The following ACVR1C variants were observed in gnomAD, a reference collection of about 807,000 sequenced individuals.
ACVR1C encodes the protein activin A receptor type 1C.
A neutral mutation model predicts 57.9 loss-of-function variants in ACVR1C; 23 were observed. The observed-to-expected ratio is 0.40, with a 90% CI of 0.29 to 0.56. The LOEUF (loss-of-function observed/expected upper bound fraction) is 0.56, where lower values mean the gene tolerates loss of function less well. Among genes scored for constraint, ACVR1C ranks in the 20% least tolerant of loss-of-function variants. The pLI, the probability that ACVR1C is intolerant of heterozygous loss-of-function variation, is 0.50. For synonymous variants in ACVR1C, 214 were observed against 215.3 expected, an observed-to-expected ratio of 0.99 and a Z score of 0.05; for missense variants, 480 against 607.9, an observed-to-expected ratio of 0.79 and a Z score of 2.21.
chr2:157,533,862 A>T lies in ACVR1C; in HGVS notation c.*56T>A. On this transcript the variant is annotated 3_prime_UTR_variant, in exon 9 of 9. Coordinates refer to ENST00000243349, the MANE Select transcript of ACVR1C (RefSeq NM_145259.3). Reference sequence around the variant, plus strand: ...AAAAATGGCAAAAACATTCACATAAAGGGGAAAATGGAAAAGAAAGCTATG... The same window carrying T: ...AAAAATGGCAAAAACATTCACATAATGGGGAAAATGGAAAAGAAAGCTATG... 1 of 1,466,546 alleles carries T rather than the reference A, an allele frequency of 6.8e-7. No individual in the cohort carries two copies. The highest frequency in any genetic ancestry group is 9.0e-7 in the Non-Finnish European group (1 of 1,109,570). The allele number at this position is 1,466,546 out of a possible 1,614,324, so 90.8% of individuals were successfully genotyped here.
chr2:157,590,391 T>C (rs544290632), intron 1 of ACVR1C, among the ~76,000 whole-genome samples: 1 of 151,912 alleles, frequency 6.6e-6, no homozygotes, highest in African/African-American at 2.4e-5. Context: ...GGAGCAAAAA[T>C]GGGTACTATT....
At chr2:157,556,507 G>A (rs1180352988) in intron 2 of ACVR1C, among the ~76,000 whole-genome samples, 175 bp from the exon 3 acceptor site, 8 of 152,018 alleles carry the variant, frequency 5.3e-5, no homozygotes, top group Non-Finnish European at 1.0e-4. Context: ...AAAAAAATGA[G>A]ATTAGGCTGC....
At chr2:157,620,895 T>C (rs1301508807) in intron 1 of ACVR1C, among the ~76,000 whole-genome samples, 1 of 152,150 alleles carries the variant, frequency 6.6e-6, no homozygotes, top group African/African-American at 2.4e-5. Context: ...AGGTGCTTAA[T>C]CAATATGCAG....
chr2:157,564,921 A>G (rs545519493), intron 2 of ACVR1C, among the ~76,000 whole-genome samples: 3 of 152,132 alleles, frequency 2.0e-5, no homozygotes, highest in Non-Finnish European at 4.4e-5. Context: ...ACACATGGAC[A>G]CTGGGAGGGG....
Position 157,587,369 on chromosome 2 carries a change from T to C in ACVR1C, c.122A>G (p.Gln41Arg). ...TGATGCCCAACATGCTCCTTCTGTT[T>C]GGCAGGTGAAGTTTGAAGAATCACA... is the stretch of plus-strand genomic sequence containing the variant. Reference protein sequence around the residue: ...LLCDSSNFTCQTEGACWASVM... With the variant: ...LLCDSSNFTCRTEGACWASVM... The change falls in exon 2 of 9, where the codon CAA (glutamine) becomes CGA (arginine). Residue 41 changes from glutamine (Q) to arginine (R), a missense_variant. Coordinates refer to ENST00000243349, the MANE Select transcript of ACVR1C (RefSeq NM_145259.3). 1 of 1,613,648 alleles carries C rather than the reference T, an allele frequency of 6.2e-7. No individual in the cohort carries two copies. Among genetic ancestry groups the C allele is most frequent in the Non-Finnish European group, 8.5e-7 (1 of 1,179,628 alleles).
At chr2:157,575,938 G>A (rs1164421123) in intron 2 of ACVR1C, among the ~76,000 whole-genome samples, 1 of 152,134 alleles carries the variant, frequency 6.6e-6, no homozygotes, top group Non-Finnish European at 1.5e-5. Flanking sequence ...GATATTAACA[G>A]AATGTGTGAA....
intron 2 of ACVR1C, among the ~76,000 whole-genome samples, chr2:157,574,837 C>T (rs1688605146): frequency 1.3e-5 from 2 of 152,336 alleles, no homozygotes; most frequent in South Asian, 4.1e-4. Flanking sequence ...TGTCAGCTCC[C>T]TTGTTGCTGT....
intron 2 of ACVR1C, among the ~76,000 whole-genome samples, chr2:157,568,148 G>C (rs1489015383): frequency 1.0e-5 from 1 of 99,184 alleles, no homozygotes; most frequent in African/African-American, 3.8e-5. Context: ...ATACTTTATA[G>C]ACAAGCAAAT....
rs1688947033 is a variant in ACVR1C, at chr2:157,587,246, G to A, written c.245C>T (p.Thr82Ile). ...ATCTGTGAAGCAGCATTCGGTTTTG[G>A]TAACATTGTTGGAACTATGACAGAA... Reference protein sequence around the residue: ...QVFCHSSNNVTKTECCFTDFC... With the variant: ...QVFCHSSNNVIKTECCFTDFC... The change falls in exon 2 of 9, where the codon ACC becomes ATC. Residue 82 changes from threonine to isoleucine, a missense_variant. By Grantham distance (89) the Thr-to-Ile change is moderately conservative (BLOSUM62 -1). Transcript: ENST00000243349. 1 of 1,613,700 alleles carries A rather than the reference G, an allele frequency of 6.2e-7. No individual in the cohort carries two copies. Among genetic ancestry groups the A allele is most frequent in the South Asian group, 1.1e-5 (1 of 91,082 alleles).
intron 1 of ACVR1C, 113 bp from the exon 2 acceptor site, chr2:157,587,530 T>TA: frequency 1.3e-6 from 1 of 769,896 alleles, no homozygotes; most frequent in East Asian, 2.6e-5. Flanking sequence ...AGGGTTTAAA[T>TA]AAAAACACTT....
intron 1 of ACVR1C, among the ~76,000 whole-genome samples, chr2:157,599,232 G>A (rs1682218847): frequency 6.8e-6 from 1 of 147,208 alleles, no homozygotes; most frequent in South Asian, 2.1e-4. Context: ...TACTCTGGAG[G>A]CTGAGGCAGG....
chr2:157,583,956 A>G (rs1688851944), intron 2 of ACVR1C, among the ~76,000 whole-genome samples: 1 of 152,156 alleles, frequency 6.6e-6, no homozygotes, highest in South Asian at 2.1e-4. Flanking sequence ...TTGGGTAGAC[A>G]AAAACTCAGG....
At chr2:157,607,433 A>G (rs1199727649) in intron 1 of ACVR1C, among the ~76,000 whole-genome samples, 1 of 151,482 alleles carries the variant, frequency 6.6e-6, no homozygotes, top group African/African-American at 2.4e-5. Flanking sequence ...TTTGCTTAGA[A>G]TTGTTTTGGT....
intron 1 of ACVR1C, among the ~76,000 whole-genome samples, chr2:157,611,592 G>T (rs1464096039): frequency 6.6e-6 from 1 of 152,208 alleles, no homozygotes; most frequent in Non-Finnish European, 1.5e-5. Context: ...GGCAACAGCA[G>T]TTGTAGGACA....
intron 2 of ACVR1C, among the ~76,000 whole-genome samples, chr2:157,574,915 A>G (rs759274730): frequency 1.3e-4 from 20 of 152,204 alleles, no homozygotes; most frequent in Non-Finnish European, 2.5e-4. Context: ...GCATCCAGGC[A>G]GCATGATGAT....
intron 1 of ACVR1C, among the ~76,000 whole-genome samples, chr2:157,613,024 C>G (rs1020389704): frequency 6.6e-6 from 1 of 152,186 alleles, no homozygotes; most frequent in Non-Finnish European, 1.5e-5. Context: ...CCATGTTAGT[C>G]TAAGGGTTCA....
chr2:157,538,754 T>G (rs550456086), intron 7 of ACVR1C, 51 bp from the exon 8 acceptor site: 1 of 1,409,840 alleles, frequency 7.1e-7, no homozygotes, highest in Non-Finnish European at 9.3e-7. Flanking sequence ...TAAACAAACA[T>G]GTCTATTTTA....
At chr2:157,622,035 G>A (rs192907660) in intron 1 of ACVR1C, among the ~76,000 whole-genome samples, 1 of 152,202 alleles carries the variant, frequency 6.6e-6, no homozygotes, top group East Asian at 1.9e-4. Flanking sequence ...GCTAGTGTTT[G>A]GGTATTCCTA....
intron 2 of ACVR1C, among the ~76,000 whole-genome samples, chr2:157,574,819 C>G (rs1688604884): frequency 6.6e-6 from 1 of 152,184 alleles, no homozygotes; most frequent in Non-Finnish European, 1.5e-5. Context: ...AGTTTTCAGT[C>G]AGGCCCCTGT....
Sources: allele counts gnomAD v4.1 joint callset (sites outside exome capture counted in the v4.1 genomes callset), GRCh38; gene constraint gnomAD v4.1.1; transcripts MANE v1.5; gene names NCBI Gene and HGNC (gene_info 2026-07-23, HGNC 2026-07-21).